The following CNTLN variants were observed in gnomAD, a reference collection of about 807,000 sequenced individuals.
The protein encoded by CNTLN is centlein, centrosomal protein.
CNTLN carries 212 observed loss-of-function variants against 180.0 expected under a neutral mutation model. The ratio of observed to expected loss-of-function variants is 1.18; its 90% CI spans 1.05 to 1.32. The LOEUF (loss-of-function observed/expected upper bound fraction) is 1.32. Ranked by LOEUF, CNTLN falls within the 40% of genes most tolerant of loss-of-function variation. The pLI is 0.00. For missense variants in CNTLN, 2,095 were observed against 1,610.9 expected (o/e 1.30, Z -5.14); for synonymous variants, 722 against 563.1 (o/e 1.28, Z -3.99).
chr9:17,413,638 G>A (rs1240526480), intron 16 of CNTLN, among the ~76,000 whole-genome samples: 1 of 152,002 alleles, frequency 6.6e-6, no homozygotes, highest in Non-Finnish European at 1.5e-5. Context: ...AAGGATATAC[G>A]GATGGCAAAT....
chr9:17,174,378 GTGAT>G (rs1820589237), intron 2 of CNTLN, among the ~76,000 whole-genome samples: 1 of 152,192 alleles, frequency 6.6e-6, no homozygotes, highest in South Asian at 2.1e-4. Flanking sequence ...GCTGGGCCAT[GTGAT>G]TGTTATAGCC....
intron 2 of CNTLN, among the ~76,000 whole-genome samples, chr9:17,196,387 AT>A (rs1822133097): frequency 1.3e-5 from 2 of 152,158 alleles, no homozygotes; most frequent in South Asian, 4.1e-4. Flanking sequence ...CAGTTTTCAC[AT>A]CTTTAAAAGG....
intron 2 of CNTLN, among the ~76,000 whole-genome samples, chr9:17,216,564 A>G (rs1823766838): frequency 6.6e-6 from 1 of 152,206 alleles, no homozygotes; most frequent in African/African-American, 2.4e-5. Context: ...ACTTGGTTCA[A>G]AGATTTAATT....
chr9:17,388,589 C>T (rs1399619860), intron 14 of CNTLN, among the ~76,000 whole-genome samples: 2 of 151,956 alleles, frequency 1.3e-5, no homozygotes, highest in Non-Finnish European at 2.9e-5. Context: ...GACTGCTGTA[C>T]TTCCACAAAT....
chr9:17,378,353 A>G lies in CNTLN; in HGVS notation c.1988-9809A>G, dbSNP rs147687111. Among the ~76,000 whole-genome samples the G allele has an allele frequency of 4.3e-4, 65 of 151,762 alleles. No individual in the cohort carries two copies. In the East Asian group the frequency reaches 9.5e-3, roughly 22 times the overall value. On this transcript the variant is annotated intron_variant, in intron 13 of 25. Coordinates refer to ENST00000380647, the MANE Select transcript of CNTLN (RefSeq NM_017738.4). ...CACCACCATGCCCAGCTAATTTTGTATTTTTTTAGTAGAGATGGGGTTTCA... is the reference window on the plus strand; with the variant it reads ...CACCACCATGCCCAGCTAATTTTGTGTTTTTTTAGTAGAGATGGGGTTTCA...
At chr9:17,484,510 G>T in intron 24 of CNTLN, 30 bp downstream of exon 24, 1 of 1,531,892 alleles carries the variant, frequency 6.5e-7, no homozygotes, top group South Asian at 1.2e-5. Flanking sequence ...TATTATTAAA[G>T]GGTTTATTAT....
In CNTLN at chr9:17,448,142, T is replaced by C. The variant is rs1830556660; in HGVS notation, c.3115-9382T>C. 3 of 208,310 alleles carry C rather than the reference T, an allele frequency of 1.4e-5. No homozygotes were observed. The South Asian group carries it at 2.9e-4, about 20-fold the overall frequency. 12.9% of individuals were successfully genotyped at this position (208,310 alleles called of 1,614,324 possible). ...CCTTCATTGTTTCCAACCATGGTGTTTTAACTGCCCATTAATTTCCTTAAT... is the reference window on the plus strand; with the variant it reads ...CCTTCATTGTTTCCAACCATGGTGTCTTAACTGCCCATTAATTTCCTTAAT... On this transcript the variant is annotated intron_variant, in intron 18 of 25. Coordinates refer to ENST00000380647, the MANE Select transcript of CNTLN (RefSeq NM_017738.4).
chr9:17,268,282 G>C (rs1434929805), intron 5 of CNTLN, among the ~76,000 whole-genome samples: 2 of 152,326 alleles, frequency 1.3e-5, no homozygotes, highest in East Asian at 3.9e-4. Flanking sequence ...CAGGTCTGTT[G>C]GAGTTTGCTA....
intron 5 of CNTLN, among the ~76,000 whole-genome samples, chr9:17,272,978 A>C (rs1828054218): frequency 1.3e-5 from 2 of 151,034 alleles, no homozygotes; most frequent in Non-Finnish European, 1.5e-5. Flanking sequence ...TTTATCTATC[A>C]TTGTCTTTTC....
chr9:17,495,962 A>G (rs1190400860), intron 25 of CNTLN, among the ~76,000 whole-genome samples: 1 of 152,198 alleles, frequency 6.6e-6, no homozygotes, highest in African/African-American at 2.4e-5. Flanking sequence ...AGGCCATAGC[A>G]TATTGCCTAG....
chr9:17,143,966 C>T (rs1170133346), intron 2 of CNTLN, among the ~76,000 whole-genome samples: 1 of 152,192 alleles, frequency 6.6e-6, no homozygotes, highest in Non-Finnish European at 1.5e-5. Flanking sequence ...ATTTGGTATA[C>T]AGTATTCCCA....
intron 18 of CNTLN, among the ~76,000 whole-genome samples, chr9:17,422,705 G>T (rs1345102350): frequency 1.3e-5 from 2 of 152,178 alleles, no homozygotes; most frequent in East Asian, 1.9e-4. Flanking sequence ...CCCTGGGATT[G>T]GTTACTGGTG....
chr9:17,413,745 A>G (rs1456800737), intron 16 of CNTLN, among the ~76,000 whole-genome samples: 1 of 152,206 alleles, frequency 6.6e-6, no homozygotes, highest in African/African-American at 2.4e-5. Flanking sequence ...GGGAAACTGG[A>G]TCTCTCATAT....
At chr9:17,167,899 T>C (rs1326004278) in intron 2 of CNTLN, 2 of 152,134 alleles carry the variant, frequency 1.3e-5, no homozygotes, top group African/African-American at 4.8e-5. Context: ...AGTGCTGGGG[T>C]AGTGTACCCT....
chr9:17,291,883 C>A (rs931571814), intron 6 of CNTLN, among the ~76,000 whole-genome samples: 1 of 152,086 alleles, frequency 6.6e-6, no homozygotes, highest in Non-Finnish European at 1.5e-5. Context: ...GATGTAGTTG[C>A]TTTATAGTTT....
At chr9:17,499,499 G>C (rs1358861891) in intron 25 of CNTLN, among the ~76,000 whole-genome samples, 2 of 152,036 alleles carry the variant, frequency 1.3e-5, no homozygotes, top group Non-Finnish European at 2.9e-5. Flanking sequence ...GTATAAACTT[G>C]GTAAGAGAGG....
intron 2 of CNTLN, among the ~76,000 whole-genome samples, chr9:17,210,486 C>T (rs1248452206): frequency 3.3e-5 from 5 of 152,130 alleles, no homozygotes; most frequent in Admixed American, 3.3e-4. Context: ...GGGTTGGTTC[C>T]AAGTCTTTGC....
intron 2 of CNTLN, among the ~76,000 whole-genome samples, chr9:17,200,019 G>T (rs1438558375): frequency 6.6e-6 from 1 of 152,096 alleles, no homozygotes; most frequent in African/African-American, 2.4e-5. Flanking sequence ...TTTATATAAA[G>T]TGTAAGGAAT....
At chr9:17,512,872 G>C in the CNTLN span, among the ~76,000 whole-genome samples, 4 of 152,034 alleles carry the variant, frequency 2.6e-5, no homozygotes, top group Admixed American at 6.6e-5. Flanking sequence ...GCTGGAGTGT[G>C]GTGGCGCGAT....
Sources: allele counts gnomAD v4.1 joint callset (sites outside exome capture counted in the v4.1 genomes callset), GRCh38; gene constraint gnomAD v4.1.1; transcripts MANE v1.5; gene names NCBI Gene and HGNC (gene_info 2026-07-23, HGNC 2026-07-21).